ADAMTSL1: variants seen among roughly 807,000 people sequenced by gnomAD.
ADAMTSL1 encodes ADAMTS like 1, also known as ADAMTS-like protein 1.
A neutral mutation model predicts 201.8 loss-of-function variants in ADAMTSL1; 126 were observed. The observed-to-expected ratio is 0.62, with a 90% confidence interval of 0.54 to 0.72. The LOEUF (loss-of-function observed/expected upper bound fraction) is 0.72. ADAMTSL1 is among the 30% of genes least tolerant of loss of function. The pLI, the probability that ADAMTSL1 is intolerant of heterozygous loss-of-function variation, is 0.00. For synonymous variants in ADAMTSL1, 1,121 were observed against 903.4 expected (o/e 1.24, Z -4.32); for missense variants, 2,679 against 2,277.8 (o/e 1.18, Z -3.59).
chr9:18,505,066 T>A, intron 2 of ADAMTSL1, 110 bp downstream of exon 2: 1 of 1,350,302 alleles, frequency 7.4e-7, no homozygotes, highest in Non-Finnish European at 9.9e-7. Context: ...CAGATCCAGA[T>A]AAAAGAAAAG....
At chr9:18,467,570 G>A (rs1352746677) in intron 2 of ADAMTSL1, among the ~76,000 whole-genome samples, 1 of 152,154 alleles carries the variant, frequency 6.6e-6, no homozygotes, top group Non-Finnish European at 1.5e-5. Flanking sequence ...ATGAGCAAAA[G>A]GAGAAAGTTT....
At chr9:18,357,256 T>G (rs1449746668) in intron 2 of ADAMTSL1, among the ~76,000 whole-genome samples, 1 of 152,180 alleles carries the variant, frequency 6.6e-6, no homozygotes, top group Non-Finnish European at 1.5e-5. Flanking sequence ...AAGTATTTTT[T>G]TTCAATTAGC....
chr9:18,768,742 T>A (rs1563782445), intron 16 of ADAMTSL1, among the ~76,000 whole-genome samples: 1 of 152,166 alleles, frequency 6.6e-6, no homozygotes, highest in African/African-American at 2.4e-5. Context: ...CTCTGTGACC[T>A]CAAGCCATTC....
intron 1 of ADAMTSL1, among the ~76,000 whole-genome samples, chr9:18,051,019 T>C (rs1486344442): frequency 1.3e-5 from 2 of 152,112 alleles, no homozygotes; most frequent in African/African-American, 4.8e-5. Context: ...CCAGACTATA[T>C]GGCCGGGTGC....
intron 1 of ADAMTSL1, among the ~76,000 whole-genome samples, chr9:17,996,885 CAGA>C (rs1232048120): frequency 6.6e-6 from 1 of 152,096 alleles, no homozygotes; most frequent in Non-Finnish European, 1.5e-5. Flanking sequence ...ACATAAGCTG[CAGA>C]AGAATGATGA....
At chr9:17,947,312 T>TACACACAC (rs34840423) in intron 1 of ADAMTSL1, among the ~76,000 whole-genome samples, 207 of 143,372 alleles carry the variant, frequency 1.4e-3, no homozygotes, top group African/African-American at 2.8e-3. Flanking sequence ...TATACACACA[T>TACACACAC]ACACACACAC....
intron 4 of ADAMTSL1, among the ~76,000 whole-genome samples, chr9:18,590,566 A>G (rs1823842287): frequency 6.6e-6 from 1 of 151,498 alleles, no homozygotes; most frequent in Non-Finnish European, 1.5e-5. Flanking sequence ...TTTAGGGTTT[A>G]GTTTGTTCTT....
chr9:18,661,257 A>G (rs1829073419), intron 8 of ADAMTSL1, among the ~76,000 whole-genome samples: 2 of 152,208 alleles, frequency 1.3e-5, no homozygotes, highest in Admixed American at 6.5e-5. Flanking sequence ...AATATTCGCT[A>G]GAGACTTTTT....
At chr9:18,331,995 C>T (rs775045040) in intron 2 of ADAMTSL1, among the ~76,000 whole-genome samples, 23 of 152,224 alleles carry the variant, frequency 1.5e-4, no homozygotes, top group Non-Finnish European at 2.9e-5. Flanking sequence ...AGTAGCCCAC[C>T]AAAATATTGA....
At chr9:18,904,286 T>C (rs1830165903) in intron 26 of ADAMTSL1, among the ~76,000 whole-genome samples, 1 of 152,048 alleles carries the variant, frequency 6.6e-6, no homozygotes, top group East Asian at 1.9e-4. Flanking sequence ...CTGACCAACA[T>C]GGCGAAATCC....
At position 18,875,123 on chromosome 9, in the gene ADAMTSL1, G is replaced by C. The variant is rs112663829; in HGVS notation, c.4250-12708G>C. On this transcript the variant is annotated intron_variant, in intron 23 of 28. Transcript: ENST00000380548. ...TATCATTTGAAACATCTCCCATTTTGTTTCTAATTGAGCTTATTTGAATCT... is the reference window on the plus strand; with the variant it reads ...TATCATTTGAAACATCTCCCATTTTCTTTCTAATTGAGCTTATTTGAATCT... Among the ~76,000 whole-genome samples, 40 of 152,026 alleles carry C rather than the reference G, an allele frequency of 2.6e-4. 1 individual carries two copies. Among genetic ancestry groups the C allele is most frequent in the African/African-American group, 9.2e-4 (38 of 41,490 alleles).
At chr9:17,977,017 G>T (rs1043644813) in intron 1 of ADAMTSL1, among the ~76,000 whole-genome samples, 1 of 151,858 alleles carries the variant, frequency 6.6e-6, no homozygotes, top group Non-Finnish European at 1.5e-5. Context: ...TACCTAATTT[G>T]TTGAGAGTTT....
chr9:18,149,687 G>C lies in ADAMTSL1; in HGVS notation c.88-14175G>C, dbSNP rs115382661. On this transcript the variant is annotated intron_variant, in intron 1 of 29. Coordinates refer to the ADAMTSL1 transcript ENST00000680146. ...TGAAGAGTTGACACATGTCACGCCA[G>C]AGAGATGTGATTGGCACTGTTTTTT... Among the ~76,000 whole-genome samples, 460 of 152,190 alleles carry C rather than the reference G, an allele frequency of 3.0e-3. 1 individual carries two copies. The highest frequency in any genetic ancestry group is 0.011 in the African/African-American group (438 of 41,552).
chr9:18,887,961 CGGT>C lies in ADAMTSL1; in HGVS notation c.4383_4385del (p.Gly1462del). The stretch of plus-strand genomic sequence containing the variant: ...AGATCCTTCAAGTTGCAAACCTTAG[CGGT>C]GGGTCTCAAGGGGAATTCAGCTGCC... On this transcript the variant is annotated inframe_deletion, in exon 24 of 29. Transcript: ENST00000380548. The C allele has an allele frequency of 6.2e-7, 1 of 1,613,926 alleles. No individual in the cohort carries two copies. Among genetic ancestry groups the C allele is most frequent in the Non-Finnish European group, 8.5e-7 (1 of 1,179,872 alleles).
intron 16 of ADAMTSL1, among the ~76,000 whole-genome samples, chr9:18,762,821 A>G (rs1161657393): frequency 6.6e-6 from 1 of 152,206 alleles, no homozygotes; most frequent in African/African-American, 2.4e-5. Flanking sequence ...GTTGTTGCAC[A>G]TGACTGGATC....
chr9:18,289,170 T>TATC lies in ADAMTSL1; in HGVS notation c.207+125190_207+125192dup, dbSNP rs1554650848. Among the ~76,000 whole-genome samples the TATC allele has an allele frequency of 9.5e-3, 1,157 of 122,086 alleles. 16 individuals carry two copies. Among genetic ancestry groups the TATC allele is most frequent in the African/African-American group, 0.031 (1,118 of 36,028 alleles). 80.1% of individuals were successfully genotyped at this position (122,086 alleles called of 152,430 possible). On this transcript the variant is annotated intron_variant, in intron 2 of 29. Coordinates refer to the ADAMTSL1 transcript ENST00000680146. ...CTATCTATCTATCTATCTATCTATC[T>TATC]ATCTACCTACCTATCTATCTATAGA...
chr9:18,258,360 A>G (rs1290621175), intron 2 of ADAMTSL1, among the ~76,000 whole-genome samples: 1 of 152,232 alleles, frequency 6.6e-6, no homozygotes, highest in Non-Finnish European at 1.5e-5. Flanking sequence ...TAAAAGAAAA[A>G]GAGTTGGAGA....
At chr9:18,734,616 C>T (rs1818402559) in intron 15 of ADAMTSL1, among the ~76,000 whole-genome samples, 1 of 152,190 alleles carries the variant, frequency 6.6e-6, no homozygotes, top group Non-Finnish European at 1.5e-5. Flanking sequence ...AGAGCCATAA[C>T]AGTCATGTTA....
chr9:18,643,126 A>G (rs1378109280), intron 7 of ADAMTSL1, among the ~76,000 whole-genome samples: 1 of 151,924 alleles, frequency 6.6e-6, no homozygotes, highest in Non-Finnish European at 1.5e-5. Context: ...CAATTCTATA[A>G]GGTGTAAGGT....
Sources: gnomAD v4.1 joint callset for allele counts (sites outside exome capture counted in the v4.1 genomes callset) on GRCh38, gnomAD v4.1.1 for gene constraint, MANE v1.5 for transcripts, NCBI Gene and HGNC (gene_info 2026-07-23, HGNC 2026-07-21) for gene names.